Variants in CPEB4 observed in about 807,000 individuals in gnomAD.
The protein encoded by CPEB4 is cytoplasmic polyadenylation element binding protein 4.
Under a neutral mutation model 72.5 loss-of-function variants are expected in CPEB4, and 12 were observed. The ratio of observed to expected loss-of-function variants is 0.17; its 90% CI spans 0.11 to 0.27. The LOEUF is 0.27. CPEB4 is among the 10% of genes least tolerant of loss of function. The pLI, the probability that CPEB4 is intolerant of heterozygous loss-of-function variation, is 1.00. For synonymous variants in CPEB4, 302 were observed against 326.3 expected, an observed-to-expected ratio of 0.93 and a Z score of 0.80; for missense variants, 614 against 908.5, an observed-to-expected ratio of 0.68 and a Z score of 4.17.
intron 1 of CPEB4, among the ~76,000 whole-genome samples, chr5:173,894,591 A>C (rs1284395968): frequency 6.7e-6 from 1 of 148,168 alleles, no homozygotes; most frequent in Non-Finnish European, 1.5e-5. Flanking sequence ...ACTGCACCCT[A>C]GCCTGGGGGA....
At chr5:173,906,645 C>A (rs1360281141) in intron 1 of CPEB4, among the ~76,000 whole-genome samples, 1 of 152,178 alleles carries the variant, frequency 6.6e-6, no homozygotes, top group Admixed American at 6.5e-5. Context: ...CTTCTCAAAA[C>A]ACCTTGCATC....
chr5:173,940,063 G>A (rs913229063), intron 3 of CPEB4, among the ~76,000 whole-genome samples: 5 of 151,648 alleles, frequency 3.3e-5, no homozygotes, highest in South Asian at 2.1e-4. Flanking sequence ...AGCTGAGATC[G>A]TGCCACCGCA....
At chr5:173,954,737 G>A (rs1258536121) in intron 9 of CPEB4, among the ~76,000 whole-genome samples, 1 of 152,072 alleles carries the variant, frequency 6.6e-6, no homozygotes, top group African/African-American at 2.4e-5. Context: ...TCCAACATAA[G>A]TTTCAGAGCT....
intron 1 of CPEB4, among the ~76,000 whole-genome samples, chr5:173,896,709 T>C (rs1756027396): frequency 6.6e-6 from 1 of 152,230 alleles, no homozygotes; most frequent in African/African-American, 2.4e-5. Context: ...TAAACTCTAA[T>C]GAGCAGTGTG....
Position 173,945,153 on chromosome 5 carries a change from C to G in CPEB4, c.1456+13C>G. 6.2e-7 allele frequency: 1 copy of G among 1,603,952 alleles called. No homozygotes were observed. Among genetic ancestry groups the G allele is most frequent in the Non-Finnish European group, 8.5e-7 (1 of 1,172,178 alleles). On this transcript the variant is annotated intron_variant, in intron 5 of 9. Transcript: ENST00000265085. Reference sequence around the variant, plus strand: ...GACATTGATGAAGGTATGTTTAGAACTGTTTATAGCACGGTGCCCAGATGG... The same window carrying G: ...GACATTGATGAAGGTATGTTTAGAAGTGTTTATAGCACGGTGCCCAGATGG...
chr5:173,948,890 A>G (rs141113237), intron 5 of CPEB4, among the ~76,000 whole-genome samples: 160 of 152,236 alleles, frequency 1.1e-3, no homozygotes, highest in African/African-American at 3.8e-3. Flanking sequence ...CCATGACCTA[A>G]TCACCTACCA....
intron 1 of CPEB4, among the ~76,000 whole-genome samples, chr5:173,896,227 C>T (rs1277856140): frequency 1.3e-5 from 2 of 152,122 alleles, no homozygotes; most frequent in African/African-American, 4.8e-5. Context: ...TAATGTGCTT[C>T]TCTTTAAGGC....
intron 2 of CPEB4, among the ~76,000 whole-genome samples, chr5:173,911,712 T>C (rs1447366162): frequency 7.3e-6 from 1 of 136,660 alleles, no homozygotes. Flanking sequence ...TTTAAGAAAC[T>C]TAGAATGTTT....
rs777585531 is a variant in CPEB4 at position 173,953,072 on chromosome 5, T to G, written c.1781-19T>G. 2 of 1,582,722 alleles carry G rather than the reference T, an allele frequency of 1.3e-6. No homozygotes were observed. Among genetic ancestry groups the G allele is most frequent in the South Asian group, 2.3e-5 (2 of 87,758 alleles). ...ATTTTCCTGATTTTAAATATCCTCC[T>G]TGTTCCTTTCTTAATTAGTGGAGCT... On this transcript the variant is annotated intron_variant, in intron 8 of 9. Transcript: ENST00000265085.
At chr5:173,934,616 G>GT in intron 3 of CPEB4, among the ~76,000 whole-genome samples, 1 of 152,204 alleles carries the variant, frequency 6.6e-6, no homozygotes, top group Non-Finnish European at 1.5e-5. Context: ...TGAAGGATTA[G>GT]TTTTTTAGTA....
Position 173,953,351 on chromosome 5 carries a change from T to C in CPEB4, c.1962+79T>C, listed in dbSNP as rs146322525. Reference sequence around the variant, plus strand: ...GATTACCAATATTAGAACGGGAGCATTTTATGACAATAAAGTGACAGCTGA... The same window carrying C: ...GATTACCAATATTAGAACGGGAGCACTTTATGACAATAAAGTGACAGCTGA... On this transcript the variant is annotated intron_variant, in intron 9 of 9. Transcript: ENST00000265085. 158 of 1,101,488 alleles carry C rather than the reference T, an allele frequency of 1.4e-4. No individual in the cohort carries two copies. The African/African-American group carries it at 1.9e-3, about 13-fold the overall frequency. 68.2% of individuals were successfully genotyped at this position (1,101,488 alleles called of 1,614,324 possible).
intron 3 of CPEB4, among the ~76,000 whole-genome samples, chr5:173,939,956 C>CA (rs35154045): frequency 0.29 from 19,829 of 68,320 alleles, 1,861 homozygotes; most frequent in Middle Eastern, 0.39. Flanking sequence ...TAATAAAATA[C>CA]AAAAAAAAAA....
intron 2 of CPEB4, among the ~76,000 whole-genome samples, chr5:173,916,044 T>TCA (rs1756854487): frequency 1.3e-5 from 2 of 152,194 alleles, no homozygotes; most frequent in Admixed American, 1.3e-4. Context: ...GTTGAGTATT[T>TCA]TAAATTCAAT....
Position 173,889,642 on chromosome 5 carries a change from C to T in CPEB4, c.-92C>T. 9.1e-7 allele frequency: 1 copy of T among 1,098,120 alleles called. No individual in the cohort carries two copies. Among genetic ancestry groups the T allele is most frequent in the Non-Finnish European group, 1.3e-6 (1 of 758,218 alleles). 68.0% of individuals were successfully genotyped at this position (1,098,120 alleles called of 1,614,324 possible). Reference sequence around the variant, plus strand: ...AAATAAGACATTTCAAGCAAGCAAGCAAACAACTTAAATTTGGGGTAGAGG... The same window carrying T: ...AAATAAGACATTTCAAGCAAGCAAGTAAACAACTTAAATTTGGGGTAGAGG... On this transcript the variant is annotated 5_prime_UTR_variant, in exon 1 of 10. Coordinates refer to ENST00000265085, the MANE Select transcript of CPEB4 (RefSeq NM_030627.4).
At chr5:173,926,579 T>A (rs937889843) in intron 2 of CPEB4, among the ~76,000 whole-genome samples, 7 of 152,218 alleles carry the variant, frequency 4.6e-5, no homozygotes, top group Non-Finnish European at 1.0e-4. Flanking sequence ...TCACCAAATA[T>A]AGCCTATGCC....
intron 1 of CPEB4, among the ~76,000 whole-genome samples, chr5:173,908,843 T>C (rs370050661): frequency 3.9e-5 from 6 of 152,286 alleles, no homozygotes; most frequent in African/African-American, 1.4e-4. Context: ...AAAGGAAATA[T>C]AATTGAATAG....
chr5:173,925,359 T>C (rs1366135953), intron 2 of CPEB4, among the ~76,000 whole-genome samples: 2 of 152,232 alleles, frequency 1.3e-5, no homozygotes, highest in African/African-American at 4.8e-5. Context: ...TCAGCTGATA[T>C]CTGTCTCAGC....
At chr5:173,922,578 T>A (rs1757110101) in intron 2 of CPEB4, among the ~76,000 whole-genome samples, 1 of 152,238 alleles carries the variant, frequency 6.6e-6, no homozygotes, top group South Asian at 2.1e-4. Flanking sequence ...TTTAAAAATC[T>A]GTATTTTATC....
chr5:173,955,627 A>G lies in CPEB4; in HGVS notation c.1963-283A>G, dbSNP rs1758355448. Among the ~76,000 whole-genome samples, 1 of 152,226 alleles carries G rather than the reference A, an allele frequency of 6.6e-6. No homozygotes were observed. Among genetic ancestry groups the G allele is most frequent in the South Asian group, 2.1e-4 (1 of 4,832 alleles). On this transcript the variant is annotated intron_variant, in intron 9 of 9. Coordinates refer to ENST00000265085, the MANE Select transcript of CPEB4 (RefSeq NM_030627.4). The surrounding 1 kb of genome is among the most constrained non-coding windows in gnomAD (Gnocchi z 4.7). ...TCTCCTGTGGGTTTAATCTCATAAC[A>G]TTCTAGTCTAAACAGTTGGCTTCAC...
Sources: allele counts gnomAD v4.1 joint callset (sites outside exome capture counted in the v4.1 genomes callset), GRCh38; gene constraint gnomAD v4.1.1; non-coding constraint Gnocchi (gnomAD v3.1); transcripts MANE v1.5; gene names NCBI Gene and HGNC (gene_info 2026-07-23, HGNC 2026-07-21).